Variants in GALNTL6 observed in about 807,000 individuals in gnomAD.
The protein encoded by GALNTL6 is polypeptide N-acetylgalactosaminyltransferase like 6.
In GALNTL6, 46 loss-of-function variants were observed where a neutral mutation model predicts 73.7. The observed-to-expected ratio is 0.62, with a 90% CI of 0.49 to 0.80. GALNTL6 has a LOEUF of 0.80. Among genes scored for constraint, GALNTL6 ranks in the 30% least tolerant of loss-of-function variants. The probability of loss-of-function intolerance (pLI) is 0.00; values close to 1 mark genes in which losing one functional copy is unlikely to be tolerated. For missense variants in GALNTL6, 604 were observed against 755.0 expected, an observed-to-expected ratio of 0.80 and a Z score of 2.34; for synonymous variants, 259 against 263.7, an observed-to-expected ratio of 0.98 and a Z score of 0.17.
chr4:172,756,414 C>T (rs769956609), intron 5 of GALNTL6, among the ~76,000 whole-genome samples: 7 of 149,532 alleles, frequency 4.7e-5, no homozygotes, highest in East Asian at 1.9e-4. Context: ...GAGGCTGAGG[C>T]GGGCAGATCA....
At chr4:172,331,939 A>C (rs1164819467) in intron 4 of GALNTL6, among the ~76,000 whole-genome samples, 1 of 152,096 alleles carries the variant, frequency 6.6e-6, no homozygotes, top group Non-Finnish European at 1.5e-5. Flanking sequence ...TTTTTAAGAA[A>C]TCTCTATACT....
intron 5 of GALNTL6, among the ~76,000 whole-genome samples, chr4:172,691,345 T>G (rs1733277023): frequency 6.6e-6 from 1 of 152,164 alleles, no homozygotes; most frequent in African/African-American, 2.4e-5. Flanking sequence ...AGAAATGGCA[T>G]TTACTGTGGC....
In GALNTL6 at chr4:172,769,139, G is replaced by C. The variant is rs150869246; in HGVS notation, c.554-40222G>C. 1.0e-3 allele frequency among the ~76,000 whole-genome samples: 157 copies of C among 152,106 alleles called. 3 individuals carry two copies. The East Asian group carries it at 0.023, about 23-fold the overall frequency. On this transcript the variant is annotated intron_variant, in intron 5 of 12. Transcript: ENST00000506823. ...GAATCCAAATGTATTTTGGAAACCC[G>C]CAATTCATCTGGCAGTCTCATAATC...
Position 172,156,540 on chromosome 4 carries a change from A to AATAT in GALNTL6, c.139-73092_139-73089dup, listed in dbSNP as rs5864120. Among the ~76,000 whole-genome samples, 313 of 125,140 alleles carry AATAT rather than the reference A, an allele frequency of 2.5e-3. 2 individuals carry two copies. Among genetic ancestry groups the AATAT allele is most frequent in the East Asian group, 6.8e-3 (31 of 4,534 alleles). The allele number at this position is 125,140 out of a possible 152,430, so 82.1% of individuals were successfully genotyped here. A position where few individuals can be genotyped will look rare whatever the true frequency, so the allele number is the denominator to read the frequency against. Reference sequence around the variant, plus strand: ...TGACTTTAAATATACATATATATATAATATATATATATATATATATATATA... The same window carrying AATAT: ...TGACTTTAAATATACATATATATATAATATATATATATATATATATATATATATA... On this transcript the variant is annotated intron_variant, in intron 2 of 12. Transcript: ENST00000506823.
intron 2 of GALNTL6, among the ~76,000 whole-genome samples, chr4:172,064,260 C>T (rs1731293802): frequency 6.6e-6 from 1 of 152,084 alleles, no homozygotes; most frequent in South Asian, 2.1e-4. Flanking sequence ...TTGTTTTTCT[C>T]CCTCATTTGT....
chr4:172,663,740 C>G (rs1332863336), intron 5 of GALNTL6, among the ~76,000 whole-genome samples: 1 of 152,008 alleles, frequency 6.6e-6, no homozygotes, highest in Non-Finnish European at 1.5e-5. Context: ...ACCAGCCTGG[C>G]CAACAGGGCG....
intron 2 of GALNTL6, among the ~76,000 whole-genome samples, chr4:172,086,593 C>T (rs189702574): frequency 3.3e-5 from 5 of 152,082 alleles, no homozygotes; most frequent in Admixed American, 1.3e-4. Context: ...GATTAACTGG[C>T]GAGTCATGAT....
intron 5 of GALNTL6, among the ~76,000 whole-genome samples, chr4:172,371,226 A>G (rs1306550328): frequency 1.3e-5 from 2 of 152,226 alleles, no homozygotes; most frequent in African/African-American, 4.8e-5. Context: ...AAAAGGAACC[A>G]TCTATTGTCC....
At chr4:172,093,581 G>A (rs565341469) in intron 2 of GALNTL6, among the ~76,000 whole-genome samples, 1 of 152,098 alleles carries the variant, frequency 6.6e-6, no homozygotes, top group African/African-American at 2.4e-5. Context: ...TGAGTAGCCC[G>A]CAAGGGAGCA....
intron 5 of GALNTL6, among the ~76,000 whole-genome samples, chr4:172,480,146 T>A (rs1733390237): frequency 6.6e-6 from 1 of 151,380 alleles, no homozygotes. Flanking sequence ...TACAAAATGT[T>A]TTTTTTTTAA....
Position 172,167,346 on chromosome 4 carries a change from A to G in GALNTL6, c.139-62310A>G, listed in dbSNP as rs368682981. On this transcript the variant is annotated intron_variant, in intron 2 of 12. Transcript: ENST00000506823. ...ACTTCTGAGTACCAAAGGCATGTAT[A>G]ATAATTTAGAAGATGGTATGCATAT... Among the ~76,000 whole-genome samples, 36 of 152,332 alleles carry G rather than the reference A, an allele frequency of 2.4e-4. No individual in the cohort carries two copies. The East Asian group carries it at 2.5e-3, about 11-fold the overall frequency.
At chr4:171,881,375 T>A (rs1372979031) in intron 2 of GALNTL6, among the ~76,000 whole-genome samples, 1 of 152,138 alleles carries the variant, frequency 6.6e-6, no homozygotes, top group Non-Finnish European at 1.5e-5. Context: ...CAAATTGCAA[T>A]CCCTGGTGTT....
At chr4:172,456,324 A>C (rs1411869931) in intron 5 of GALNTL6, among the ~76,000 whole-genome samples, 2 of 152,142 alleles carry the variant, frequency 1.3e-5, no homozygotes, top group Non-Finnish European at 2.9e-5. Context: ...CTTGCCAACA[A>C]GGAAACAAAA....
rs762495242 is a variant in GALNTL6, at chr4:172,313,857, G to A, written c.386+2105G>A. On this transcript the variant is annotated intron_variant, in intron 4 of 12. Transcript: ENST00000506823. ...TGAGAGGGTTTGAGATGGATAAAAA[G>A]AAAGTGTTAAGTATACTACCAGGAA... Among the ~76,000 whole-genome samples the A allele has an allele frequency of 2.5e-3, 384 of 152,266 alleles. 2 individuals carry two copies. The highest frequency in any genetic ancestry group is 2.0e-3 in the Non-Finnish European group (134 of 68,018).
At chr4:172,202,482 T>C (rs1735985645) in intron 2 of GALNTL6, among the ~76,000 whole-genome samples, 1 of 152,228 alleles carries the variant, frequency 6.6e-6, no homozygotes, top group South Asian at 2.1e-4. Flanking sequence ...CGATCAAATA[T>C]GTGTGTATAT....
chr4:172,026,902 G>T (rs1478239701), intron 2 of GALNTL6, among the ~76,000 whole-genome samples: 2 of 151,830 alleles, frequency 1.3e-5, no homozygotes, highest in African/African-American at 4.8e-5. Context: ...TATTTTTTGA[G>T]AAAGGGTCTC....
chr4:171,903,283 C>T (rs894573193), intron 2 of GALNTL6, among the ~76,000 whole-genome samples: 39 of 152,106 alleles, frequency 2.6e-4, no homozygotes, highest in Admixed American at 9.8e-4. Context: ...TCAGTGGGTG[C>T]GCGCACCGTG....
intron 9 of GALNTL6, among the ~76,000 whole-genome samples, chr4:172,939,274 T>C (rs1748791501): frequency 6.6e-6 from 1 of 152,238 alleles, no homozygotes; most frequent in Middle Eastern, 3.4e-3. Flanking sequence ...CCAGCCTGGG[T>C]GACAATGTGA....
intron 5 of GALNTL6, among the ~76,000 whole-genome samples, chr4:172,475,570 G>A (rs187277911): frequency 1.5e-3 from 231 of 152,156 alleles, no homozygotes; most frequent in Non-Finnish European, 1.7e-3. Flanking sequence ...TTTTCAATTT[G>A]GAGACAGAAA....
Sources: allele counts gnomAD v4.1 joint callset (sites outside exome capture counted in the v4.1 genomes callset), GRCh38; gene constraint gnomAD v4.1.1; transcripts MANE v1.5; gene names NCBI Gene and HGNC (gene_info 2026-07-23, HGNC 2026-07-21).